The following SYK variants were observed in gnomAD, a reference collection of about 807,000 sequenced individuals.
The protein encoded by SYK is tyrosine-protein kinase SYK.
SYK carries 16 observed loss-of-function variants against 77.8 expected under a neutral mutation model. That is an observed-to-expected ratio of 0.21 (90% CI 0.14 to 0.31). SYK has a LOEUF of 0.31. Ranked by LOEUF, SYK falls within the 10% of genes least tolerant of loss-of-function variation. The pLI is 1.00. For missense variants in SYK, 529 were observed against 814.4 expected, an observed-to-expected ratio of 0.65 and a Z score of 4.26; for synonymous variants, 312 against 308.7, an observed-to-expected ratio of 1.01 and a Z score of -0.11.
intron 1 of SYK, among the ~76,000 whole-genome samples, chr9:90,815,647 T>C (rs1200122969): frequency 6.6e-6 from 1 of 152,272 alleles, no homozygotes; most frequent in Non-Finnish European, 1.5e-5. Flanking sequence ...TCTTCCTGAA[T>C]TATTGTCTTA....
In SYK at chr9:90,884,385, ATATG is replaced by A. The variant is rs1320081663; in HGVS notation, c.1582-3363_1582-3360del. The stretch of plus-strand genomic sequence containing the variant: ...TACATACATACACACATACGTGTAT[ATATG>A]CATACATACACATATGTGTATATAT... On this transcript the variant is annotated intron_variant, in intron 11 of 13. Transcript: ENST00000375754. Among the ~76,000 whole-genome samples the A allele has an allele frequency of 9.3e-5, 10 of 107,120 alleles. 2 individuals carry two copies. Among genetic ancestry groups the A allele is most frequent in the African/African-American group, 3.1e-4 (8 of 26,154 alleles). The allele number at this position is 107,120 out of a possible 152,430, so 70.3% of individuals were successfully genotyped here. A position where few individuals can be genotyped will look rare whatever the true frequency, so the allele number is the denominator to read the frequency against.
intron 11 of SYK, among the ~76,000 whole-genome samples, chr9:90,885,006 A>G (rs1276114946): frequency 6.7e-6 from 1 of 148,844 alleles, no homozygotes; most frequent in Non-Finnish European, 1.5e-5. Context: ...CCAACAACAT[A>G]TATATATTTT....
chr9:90,824,825 T>G (rs1825619293), intron 1 of SYK, among the ~76,000 whole-genome samples: 1 of 151,708 alleles, frequency 6.6e-6, no homozygotes, highest in South Asian at 2.1e-4. Context: ...AAGGTAAGAC[T>G]GTCCTCTCTT....
At chr9:90,845,882 T>C (rs1826575059) in intron 3 of SYK, among the ~76,000 whole-genome samples, 1 of 152,260 alleles carries the variant, frequency 6.6e-6, no homozygotes, top group Non-Finnish European at 1.5e-5. Context: ...CTCCTTTTAA[T>C]GGCAAATTAT....
At chr9:90,867,398 C>T (rs1827547144) in intron 7 of SYK, among the ~76,000 whole-genome samples, 199 bp downstream of exon 7, 1 of 152,172 alleles carries the variant, frequency 6.6e-6, no homozygotes, top group African/African-American at 2.4e-5. Context: ...TCATGTGGGT[C>T]CTCAGTCCGT....
At chr9:90,867,103 T>G (rs761490743) in intron 6 of SYK, 28 bp from the exon 7 acceptor site, 1 of 1,613,156 alleles carries the variant, frequency 6.2e-7, no homozygotes, top group South Asian at 1.1e-5. Flanking sequence ...AAACATTTAC[T>G]GTTCCTCTTT....
At chr9:90,887,471 T>A (rs1172967718) in intron 11 of SYK, among the ~76,000 whole-genome samples, 1 of 150,020 alleles carries the variant, frequency 6.7e-6, no homozygotes, top group Non-Finnish European at 1.5e-5. Flanking sequence ...AGTGGTGTGA[T>A]CTGAGATCAC....
intron 3 of SYK, among the ~76,000 whole-genome samples, chr9:90,855,434 C>T (rs915794350): frequency 6.6e-6 from 1 of 152,160 alleles, no homozygotes; most frequent in Non-Finnish European, 1.5e-5. Context: ...CCACCCAGGG[C>T]CTGCTCCTGG....
At chr9:90,855,728 G>C (rs1827014262) in intron 3 of SYK, among the ~76,000 whole-genome samples, 1 of 152,052 alleles carries the variant, frequency 6.6e-6, no homozygotes, top group Non-Finnish European at 1.5e-5. Context: ...GACAGACAGA[G>C]AAAAAGAAAG....
At chr9:90,878,326 G>A (rs1828021214) in intron 10 of SYK, among the ~76,000 whole-genome samples, 1 of 152,146 alleles carries the variant, frequency 6.6e-6, no homozygotes, top group African/African-American at 2.4e-5. Flanking sequence ...GATGGCCACC[G>A]AGGAGCTTGC....
intron 1 of SYK, among the ~76,000 whole-genome samples, chr9:90,814,834 GCA>G (rs567535954): frequency 0.087 from 6,032 of 69,706 alleles, 225 homozygotes; most frequent in African/African-American, 0.18. Flanking sequence ...CAACACACGT[GCA>G]CACACACACA....
chr9:90,829,885 G>A (rs1825816766), intron 1 of SYK, among the ~76,000 whole-genome samples: 1 of 152,204 alleles, frequency 6.6e-6, no homozygotes, highest in South Asian at 2.1e-4. Flanking sequence ...AGAGATTTCT[G>A]AGTGTCTTTT....
At chr9:90,803,963 G>A (rs1824717395) in intron 1 of SYK, among the ~76,000 whole-genome samples, 1 of 151,690 alleles carries the variant, frequency 6.6e-6, no homozygotes, top group Non-Finnish European at 1.5e-5. Flanking sequence ...ATAAAGAGCT[G>A]TGTGTCTGTT....
chr9:90,844,677 T>C (rs1232243375), intron 2 of SYK, among the ~76,000 whole-genome samples: 1 of 152,206 alleles, frequency 6.6e-6, no homozygotes, highest in Non-Finnish European at 1.5e-5. Context: ...TTTTATGGCT[T>C]CCTAATATCT....
chr9:90,811,823 C>G (rs549613406), intron 1 of SYK, among the ~76,000 whole-genome samples: 15 of 149,884 alleles, frequency 1.0e-4, no homozygotes, highest in Admixed American at 2.7e-4. Flanking sequence ...TACATGGGGG[C>G]GCTGAGGTGG....
chr9:90,849,181 G>T (rs937931875), intron 3 of SYK, among the ~76,000 whole-genome samples: 4 of 152,186 alleles, frequency 2.6e-5, no homozygotes, highest in African/African-American at 7.2e-5. Flanking sequence ...GGCTCTGCCT[G>T]GCTGCCACAT....
chr9:90,877,493 A>G (rs1827984893), intron 9 of SYK, 78 bp from the exon 10 acceptor site: 1 of 1,494,708 alleles, frequency 6.7e-7, no homozygotes, highest in African/African-American at 1.4e-5. Flanking sequence ...CCACAGGGGG[A>G]TTATGCTTCA....
chr9:90,813,065 T>G (rs1367566889), intron 1 of SYK, among the ~76,000 whole-genome samples: 2 of 152,236 alleles, frequency 1.3e-5, no homozygotes, highest in Admixed American at 6.5e-5. Flanking sequence ...TTTAAGATTT[T>G]TTTTTAACAT....
intron 3 of SYK, among the ~76,000 whole-genome samples, chr9:90,860,837 C>T (rs1281136518): frequency 6.6e-6 from 1 of 152,082 alleles, no homozygotes; most frequent in Non-Finnish European, 1.5e-5. Flanking sequence ...TCCCTGTGGT[C>T]GTGTATCTGA....
Sources: gnomAD v4.1 joint callset for allele counts (sites outside exome capture counted in the v4.1 genomes callset) on GRCh38, gnomAD v4.1.1 for gene constraint, MANE v1.5 for transcripts, NCBI Gene and HGNC (gene_info 2026-07-23, HGNC 2026-07-21) for gene names.